The following ENPEP variants were observed in gnomAD, a reference collection of about 807,000 sequenced individuals.
ENPEP encodes the protein glutamyl aminopeptidase, also known as AP-A.
ENPEP carries 103 observed loss-of-function variants against 114.5 expected under a neutral mutation model. The ratio of observed to expected loss-of-function variants is 0.90; its 90% CI spans 0.77 to 1.06. The LOEUF is 1.06. Ranked by LOEUF, ENPEP falls within the 50% of genes least tolerant of loss-of-function variation. The probability of loss-of-function intolerance (pLI) is 0.00; values close to 1 mark genes in which losing one functional copy is unlikely to be tolerated. For missense variants in ENPEP, 1,196 were observed against 1,161.3 expected, an observed-to-expected ratio of 1.03 and a Z score of -0.43; for synonymous variants, 420 against 422.0, an observed-to-expected ratio of 1.00 and a Z score of 0.06.
chr4:110,535,667 C>T (rs1034087315), intron 11 of ENPEP, among the ~76,000 whole-genome samples: 36 of 152,202 alleles, frequency 2.4e-4, no homozygotes, highest in African/African-American at 8.2e-4. Flanking sequence ...AATTAGGTAT[C>T]TCTTTCCAGG....
chr4:110,477,653 G>A (rs1180040947), intron 1 of ENPEP, among the ~76,000 whole-genome samples: 7 of 152,092 alleles, frequency 4.6e-5, no homozygotes. Context: ...CCAGGACCAT[G>A]CTTTACACAT....
intron 1 of ENPEP, among the ~76,000 whole-genome samples, chr4:110,482,154 A>G (rs184403445): frequency 1.2e-3 from 184 of 152,306 alleles, no homozygotes; most frequent in African/African-American, 4.3e-3. Flanking sequence ...ATCCACTTGG[A>G]TATATGAAAG....
chr4:110,534,879 G>T (rs1726554969), intron 11 of ENPEP, among the ~76,000 whole-genome samples: 1 of 151,568 alleles, frequency 6.6e-6, no homozygotes, highest in African/African-American at 2.4e-5. Flanking sequence ...CTTGTCTCCT[G>T]TCCACCCTAT....
chr4:110,498,203 T>C (rs1176787106), intron 3 of ENPEP, among the ~76,000 whole-genome samples: 1 of 152,196 alleles, frequency 6.6e-6, no homozygotes, highest in African/African-American at 2.4e-5. Context: ...CAGTCACCAC[T>C]GCCCTGTGCC....
chr4:110,477,706 T>C (rs1432571844), intron 1 of ENPEP, among the ~76,000 whole-genome samples: 2 of 152,198 alleles, frequency 1.3e-5, no homozygotes, highest in South Asian at 2.1e-4. Context: ...ATCAGTGGCA[T>C]AGGTAAATTT....
In ENPEP at chr4:110,509,821, G is replaced by C. The variant is rs1725510257; in HGVS notation, c.1194+14G>C. On this transcript the variant is annotated intron_variant, in intron 5 of 19. Coordinates refer to ENST00000265162, the MANE Select transcript of ENPEP (RefSeq NM_001977.4). ...CTTGTGCATCAGGTACAGAATCTTA[G>C]CACTGAATCAGCTTGTTTTTTTAAA... 1 of 1,604,674 alleles carries C rather than the reference G, an allele frequency of 6.2e-7. No homozygotes were observed.
chr4:110,500,879 A>C (rs966467473), intron 3 of ENPEP, among the ~76,000 whole-genome samples: 2 of 152,198 alleles, frequency 1.3e-5, no homozygotes, highest in Admixed American at 6.5e-5. Flanking sequence ...CCTCTGCCAA[A>C]GCCCAGAGAG....
chr4:110,503,116 C>T (rs1191739645), intron 3 of ENPEP, among the ~76,000 whole-genome samples: 4 of 152,140 alleles, frequency 2.6e-5, no homozygotes, highest in Non-Finnish European at 5.9e-5. Flanking sequence ...CAAGTGTTCT[C>T]ATTGTTCAAT....
intron 3 of ENPEP, among the ~76,000 whole-genome samples, chr4:110,500,337 A>G (rs1725107129): frequency 6.6e-6 from 1 of 152,208 alleles, no homozygotes; most frequent in Non-Finnish European, 1.5e-5. Context: ...TACCTCCCAA[A>G]AGAATATCAG....
intron 1 of ENPEP, among the ~76,000 whole-genome samples, chr4:110,482,211 C>T (rs6855216): frequency 2.6e-5 from 4 of 152,090 alleles, no homozygotes; most frequent in East Asian, 1.9e-4. Context: ...AGATAGGAAA[C>T]GTGATTTCAG....
Position 110,491,108 on chromosome 4 carries a change from T to A in ENPEP, c.862T>A (p.Cys288Ser). 1.2e-6 allele frequency: 2 copies of A among 1,612,448 alleles called. No homozygotes were observed. The highest frequency in any genetic ancestry group is 1.7e-6 in the Non-Finnish European group (2 of 1,179,924). ...TGTCCCCATGAGCACGTACCTGGTG[T>A]GCTTTGCTGTACATCAATTTGACTC... The part of the protein sequence containing the change: ...KSVPMSTYLV[C>S]FAVHQFDSVK... The change falls in exon 3 of 20, where the codon TGC (cysteine) becomes AGC (serine). Residue 288 changes from cysteine to serine, a missense_variant. Transcript: ENST00000265162.
chr4:110,504,738 C>T (rs1331299252), intron 3 of ENPEP, among the ~76,000 whole-genome samples: 1 of 151,794 alleles, frequency 6.6e-6, no homozygotes, highest in African/African-American at 2.4e-5. Flanking sequence ...AACAGAAATA[C>T]AAAAAAAGAA....
chr4:110,558,031 G>T (rs1468878593), intron 18 of ENPEP, among the ~76,000 whole-genome samples: 2 of 25,162 alleles, frequency 7.9e-5, no homozygotes, highest in Non-Finnish European at 1.3e-4. Flanking sequence ...TATATGGTAG[G>T]ATTTTTTTTT....
chr4:110,500,022 G>A (rs899184348), intron 3 of ENPEP: 3 of 152,090 alleles, frequency 2.0e-5, no homozygotes, highest in Admixed American at 6.6e-5. Context: ...CTTGGTTTTG[G>A]TTGCAGGGAC....
intron 11 of ENPEP, among the ~76,000 whole-genome samples, chr4:110,533,902 A>C (rs746999774): frequency 3.3e-5 from 5 of 152,210 alleles, no homozygotes; most frequent in Non-Finnish European, 5.9e-5. Flanking sequence ...TAAACAAATA[A>C]ATGAAGAGGC....
intron 18 of ENPEP, 72 bp downstream of exon 18, chr4:110,553,527 G>A (rs1727368989): frequency 4.2e-6 from 6 of 1,435,400 alleles, no homozygotes; most frequent in Non-Finnish European, 5.6e-6. Context: ...ATTTTTCTTT[G>A]GGCCACTGTC....
At chr4:110,544,023 GA>G (rs1192442664) in intron 13 of ENPEP, among the ~76,000 whole-genome samples, 1 of 152,066 alleles carries the variant, frequency 6.6e-6, no homozygotes, top group Non-Finnish European at 1.5e-5. Flanking sequence ...AGAGGTGGAA[GA>G]ATAGTATAGT....
At chr4:110,480,834 CT>C (rs1724288155) in intron 1 of ENPEP, among the ~76,000 whole-genome samples, 1 of 152,088 alleles carries the variant, frequency 6.6e-6, no homozygotes, top group South Asian at 2.1e-4. Context: ...GTCGCTTTTC[CT>C]TTATCGATCT....
At chr4:110,553,213 A>G in intron 17 of ENPEP, 102 bp from the exon 18 acceptor site, 2 of 1,078,474 alleles carry the variant, frequency 1.9e-6, no homozygotes, top group Non-Finnish European at 1.3e-6. Flanking sequence ...TGATACCTCA[A>G]GAATTGAATT....
Sources: allele counts gnomAD v4.1 joint callset (sites outside exome capture counted in the v4.1 genomes callset), GRCh38; gene constraint gnomAD v4.1.1; transcripts MANE v1.5; gene names NCBI Gene and HGNC (gene_info 2026-07-23, HGNC 2026-07-21).